Variants in COL21A1 observed in about 807,000 individuals in gnomAD.
The protein encoded by COL21A1 is collagen type XXI alpha 1 chain.
COL21A1 carries 149 observed loss-of-function variants against 137.9 expected under a neutral mutation model. That is an observed-to-expected ratio of 1.08 (90% CI 0.95 to 1.24). The LOEUF (loss-of-function observed/expected upper bound fraction) is 1.24, where lower values mean the gene tolerates loss of function less well. Among genes scored for constraint, COL21A1 ranks in the 50% most tolerant of loss-of-function variants. COL21A1 has a pLI of 0.00. For missense variants in COL21A1, 1,167 were observed against 1,158.4 expected (o/e 1.01, Z -0.11); for synonymous variants, 456 against 391.5 (o/e 1.16, Z -1.95).
rs940281128 is a variant in COL21A1, at chr6:56,056,695, T to A, written c.*962A>T. The A allele has an allele frequency of 9.2e-5, 14 of 152,186 alleles. No homozygotes were observed. The highest frequency in any genetic ancestry group is 3.4e-4 in the African/African-American group (14 of 41,470). 9.4% of individuals were successfully genotyped at this position (152,186 alleles called of 1,614,324 possible). A position where few individuals can be genotyped will look rare whatever the true frequency, so the allele number is the denominator to read the frequency against. ...CAAATTCTGTTTCTTACAAAAGCAT[T>A]AAGCACAATACACAAAGACTGTTCA... On this transcript the variant is annotated 3_prime_UTR_variant, in exon 30 of 30. Transcript: ENST00000244728.
chr6:56,167,898 A>AG (rs1301743752), intron 6 of COL21A1, among the ~76,000 whole-genome samples: 1 of 152,166 alleles, frequency 6.6e-6, no homozygotes, highest in Non-Finnish European at 1.5e-5. Flanking sequence ...TCCTGAACCC[A>AG]GGGGAACATT....
Position 56,327,826 on chromosome 6 carries a change from G to C in COL21A1, c.-39+66145C>G, listed in dbSNP as rs545426177. On this transcript the variant is annotated intron_variant, in intron 1 of 28. Coordinates refer to the COL21A1 transcript ENST00000370819. ...AATTATCACAGTACCTACCTGCTAG[G>C]GTTGCTATGAAGAATAATGAGACAA... Among the ~76,000 whole-genome samples the C allele has an allele frequency of 3.3e-5, 5 of 152,082 alleles. No individual in the cohort carries two copies. The East Asian group carries it at 7.7e-4, about 24-fold the overall frequency.
intron 1 of COL21A1, among the ~76,000 whole-genome samples, chr6:56,232,620 G>A (rs769670491): frequency 7.2e-5 from 11 of 151,906 alleles, no homozygotes; most frequent in Non-Finnish European, 1.2e-4. Flanking sequence ...ACTGGACTTC[G>A]TTCATCCTGA....
chr6:56,116,878 A>G (rs915930560), intron 16 of COL21A1, among the ~76,000 whole-genome samples: 16 of 152,070 alleles, frequency 1.1e-4, no homozygotes, highest in African/African-American at 3.9e-4. Flanking sequence ...AATAGCATTA[A>G]GTTGTTATCA....
intron 10 of COL21A1, among the ~76,000 whole-genome samples, chr6:56,143,800 T>C (rs1389016961): frequency 6.6e-6 from 1 of 152,194 alleles, no homozygotes; most frequent in East Asian, 1.9e-4. Context: ...GTTTAATTCA[T>C]TTCTGTATTT....
rs377038394 is a variant in COL21A1 at position 56,383,910 on chromosome 6, G to A, written c.-39+10061C>T. On this transcript the variant is annotated intron_variant, in intron 1 of 28. Transcript: ENST00000370819. ...TTGATCCCCCTTTCCTCTATAGCTCGAGGCTTTCATCCATTTATCAATATT... is the reference window on the plus strand; with the variant it reads ...TTGATCCCCCTTTCCTCTATAGCTCAAGGCTTTCATCCATTTATCAATATT... 4.4e-4 allele frequency among the ~76,000 whole-genome samples: 67 copies of A among 152,240 alleles called. 1 individual carries two copies. The South Asian group carries it at 0.011, about 25-fold the overall frequency.
chr6:56,078,382 G>A (rs1414490174), intron 17 of COL21A1, among the ~76,000 whole-genome samples: 1 of 151,332 alleles, frequency 6.6e-6, no homozygotes, highest in Non-Finnish European at 1.5e-5. Flanking sequence ...ACCTATTTTG[G>A]TGACATTTGA....
chr6:56,186,159 T>C (rs1778282236), intron 1 of COL21A1, among the ~76,000 whole-genome samples: 1 of 152,298 alleles, frequency 6.6e-6, no homozygotes, highest in East Asian at 1.9e-4. Context: ...ATCATGACCA[T>C]GTGGGATTTA....
chr6:56,235,802 C>A lies in COL21A1; in HGVS notation c.-39+11585G>T, dbSNP rs148007810. Among the ~76,000 whole-genome samples, 321 of 151,610 alleles carry A rather than the reference C, an allele frequency of 2.1e-3. 1 individual carries two copies. The highest frequency in any genetic ancestry group is 7.2e-3 in the African/African-American group (299 of 41,338). ...AAAGCATACCTTGAAAGATGACTAACTGATGGAATAGAAGACTTTGGACAA... is the reference window on the plus strand; with the variant it reads ...AAAGCATACCTTGAAAGATGACTAAATGATGGAATAGAAGACTTTGGACAA... On this transcript the variant is annotated intron_variant, in intron 1 of 29. Coordinates refer to ENST00000244728, the MANE Select transcript of COL21A1 (RefSeq NM_030820.4).
intron 1 of COL21A1, among the ~76,000 whole-genome samples, chr6:56,386,719 A>C (rs2094019008): frequency 6.6e-6 from 1 of 152,182 alleles, no homozygotes; most frequent in Non-Finnish European, 1.5e-5. Context: ...TTTTCTTTTT[A>C]AATAACTGAA....
intron 1 of COL21A1, among the ~76,000 whole-genome samples, chr6:56,191,429 CA>C (rs70986782): frequency 0.71 from 94,101 of 133,156 alleles, 32,369 homozygotes; most frequent in East Asian, 0.81. Context: ...ACTAAAAATA[CA>C]AAAAAAAAAA....
At chr6:56,242,105 G>C (rs1380882660) in intron 1 of COL21A1, among the ~76,000 whole-genome samples, 1 of 151,994 alleles carries the variant, frequency 6.6e-6, no homozygotes, top group Non-Finnish European at 1.5e-5. Flanking sequence ...AGTACTGCTG[G>C]AAAACACATG....
chr6:56,114,985 A>G (rs1771788961), intron 16 of COL21A1, among the ~76,000 whole-genome samples: 1 of 151,754 alleles, frequency 6.6e-6, no homozygotes, highest in Non-Finnish European at 1.5e-5. Context: ...ATGGAATACT[A>G]TGCAGCCATA....
chr6:56,100,820 A>C (rs1284141084), intron 17 of COL21A1, among the ~76,000 whole-genome samples: 1 of 152,164 alleles, frequency 6.6e-6, no homozygotes, highest in African/African-American at 2.4e-5. Context: ...CTGAAATCTC[A>C]ACTGAACACT....
intron 1 of COL21A1, among the ~76,000 whole-genome samples, chr6:56,349,616 C>T (rs1294054428): frequency 6.6e-6 from 1 of 152,092 alleles, no homozygotes; most frequent in Admixed American, 6.5e-5. Context: ...AATTTTTATT[C>T]TTAGAAATGT....
At chr6:56,379,084 C>G (rs1285742862) in intron 1 of COL21A1, among the ~76,000 whole-genome samples, 3 of 152,204 alleles carry the variant, frequency 2.0e-5, no homozygotes, top group Admixed American at 6.5e-5. Context: ...TTTCAGAAAT[C>G]TGGACAGCCT....
intron 1 of COL21A1, among the ~76,000 whole-genome samples, chr6:56,379,676 C>T (rs1055471861): frequency 1.3e-5 from 2 of 152,154 alleles, no homozygotes; most frequent in Admixed American, 1.3e-4. Context: ...CTCTGGTATC[C>T]CCAAGTACCA....
chr6:56,223,928 C>T (rs1781023792), intron 1 of COL21A1, among the ~76,000 whole-genome samples: 1 of 151,644 alleles, frequency 6.6e-6, no homozygotes, highest in African/African-American at 2.4e-5. Flanking sequence ...TTATTTCCAC[C>T]TATTTTCCCA....
chr6:56,075,057 C>T (rs923143244), intron 19 of COL21A1, among the ~76,000 whole-genome samples: 1 of 151,078 alleles, frequency 6.6e-6, no homozygotes, highest in African/African-American at 2.4e-5. Flanking sequence ...CTTGAAAATT[C>T]TGAAATAATT....
Sources: gnomAD v4.1 joint callset for allele counts (sites outside exome capture counted in the v4.1 genomes callset) on GRCh38, gnomAD v4.1.1 for gene constraint, MANE v1.5 for transcripts, NCBI Gene and HGNC (gene_info 2026-07-23, HGNC 2026-07-21) for gene names.